Variants in SPEG observed in about 807,000 individuals in gnomAD.
The protein encoded by SPEG is striated muscle preferentially expressed protein kinase.
Under a neutral mutation model 300.4 loss-of-function variants are expected in SPEG, and 114 were observed. The ratio of observed to expected loss-of-function variants is 0.38; its 90% CI spans 0.33 to 0.44. SPEG has a LOEUF of 0.44. Ranked by LOEUF, SPEG falls within the 20% of genes least tolerant of loss-of-function variation. The pLI is 1.00. For missense variants in SPEG, 4,201 were observed against 4,586.2 expected (o/e 0.92, Z 2.43); for synonymous variants, 1,964 against 2,018.9 (o/e 0.97, Z 0.73).
rs532323472 is a variant in SPEG at position 219,486,723 on chromosome 2, C to T, written c.7741+1246C>T. The stretch of plus-strand genomic sequence containing the variant: ...TCCCAGGCTACTTTAACAACCAGGG[C>T]TGGCACCTAGGAATGGGGGTGGGGC... On this transcript the variant is annotated intron_variant, in intron 31 of 40. Transcript: ENST00000312358. Among the ~76,000 whole-genome samples, 7 of 152,238 alleles carry T rather than the reference C, an allele frequency of 4.6e-5. No individual in the cohort carries two copies. The South Asian group carries it at 1.4e-3, about 32-fold the overall frequency.
intron 6 of SPEG, chr2:219,460,844 G>A (rs1690616918): frequency 3.0e-6 from 3 of 986,032 alleles, no homozygotes; most frequent in Non-Finnish European, 3.6e-6. Context: ...TGGGTCAGCC[G>A]AGTGAGTGGG....
Position 219,493,469 on chromosome 2 carries a change from A to G in SPEG, c.*683A>G, listed in dbSNP as rs925076517. On this transcript the variant is annotated 3_prime_UTR_variant, in exon 41 of 41. Coordinates refer to ENST00000312358, the MANE Select transcript of SPEG (RefSeq NM_005876.5). ...CCAAGGATGTCCCCACTGCCCCTCC[A>G]TGGCCTCTGGCCTTCTTCCCATTCA... The G allele has an allele frequency of 9.1e-6, 4 of 440,108 alleles. No individual in the cohort carries two copies. Among genetic ancestry groups the G allele is most frequent in the Admixed American group, 2.4e-5 (1 of 41,964 alleles). The allele number at this position is 440,108 out of a possible 1,614,324, so 27.3% of individuals were successfully genotyped here.
intron 10 of SPEG, 62 bp downstream of exon 10, chr2:219,467,496 G>A (rs1431303070): frequency 3.9e-6 from 6 of 1,536,620 alleles, no homozygotes; most frequent in Non-Finnish European, 5.3e-6. Context: ...GAGGGGACTG[G>A]GGGTGTACAG....
rs1020577027 is a variant in SPEG at position 219,483,197 on chromosome 2, C to T, written c.5734C>T (p.Pro1912Ser). Residue 1912 changes from proline to serine, a missense_variant, in exon 30 of 41, where the codon CCA becomes TCA. Pro to Ser is a moderately conservative substitution (Grantham distance 74). Transcript: ENST00000312358. ...GGTGTGGGTGACCATGCCCAGAAGG[C>T]CACCCCCCAGTGGGGGGCTCTCATC... is the stretch of plus-strand genomic sequence containing the variant. The part of the protein sequence containing the change: ...ERVWVTMPRR[P>S]PPSGGLSSSS... 5 of 1,609,514 alleles carry T rather than the reference C, an allele frequency of 3.1e-6. No individual in the cohort carries two copies. The African/African-American group carries it at 5.3e-5, about 17-fold the overall frequency.
At position 219,488,595 on chromosome 2, in the gene SPEG, C is replaced by T. The variant is rs369139684; in HGVS notation, c.7956C>T (p.Ala2652=). The T allele has an allele frequency of 1.8e-5, 29 of 1,612,172 alleles. No homozygotes were observed. The highest frequency in any genetic ancestry group is 2.2e-5 in the South Asian group (2 of 90,958). Residue 2652 remains alanine (A), a synonymous_variant, in exon 33 of 41, where the codon GCC becomes GCT. Transcript: ENST00000312358. The part of the protein sequence containing the change: ...LSIPRAGKRH[A]GLYECSATNV... ...TCCCCCGGGCGGGCAAGCGGCACGC[C>T]GGTCTCTATGAGTGCTCGGCCACCA...
At position 219,484,992 on chromosome 2, in the gene SPEG, A is replaced by C; in HGVS notation, c.7529A>C (p.Gln2510Pro). 6.5e-7 allele frequency: 1 copy of C among 1,531,026 alleles called. No homozygotes were observed. The allele number at this position is 1,531,026 out of a possible 1,614,324, so 94.8% of individuals were successfully genotyped here. A position where few individuals can be genotyped will look rare whatever the true frequency, so the allele number is the denominator to read the frequency against. Residue 2510 changes from glutamine (Q) to proline (P), a missense_variant, in exon 30 of 41, where the codon CAG becomes CCG. Physicochemically the swap from Gln to Pro is moderately conservative, Grantham distance 76. Coordinates refer to ENST00000312358, the MANE Select transcript of SPEG (RefSeq NM_005876.5). ...CGGCGCCTTGGCCTTCCGCACAACCAGTTGGCCGCCCAGGCCGGCGCCACC... is the reference window on the plus strand; with the variant it reads ...CGGCGCCTTGGCCTTCCGCACAACCCGTTGGCCGCCCAGGCCGGCGCCACC... ...SLRRLGLPHN[Q>P]LAAQAGATTP...
intron 14 of SPEG, 114 bp downstream of exon 14, chr2:219,472,101 C>T (rs890653777): frequency 1.4e-4 from 217 of 1,517,876 alleles, no homozygotes; most frequent in Middle Eastern, 5.7e-4. Flanking sequence ...CCCCTGGGGA[C>T]CCTCTTGCCT....
chr2:219,474,068 GACA>G, intron 18 of SPEG, 165 bp downstream of exon 18: 2 of 685,370 alleles, frequency 2.9e-6, no homozygotes, highest in Non-Finnish European at 2.4e-6. Flanking sequence ...TAGTAATAAT[GACA>G]ACAATCATAC....
chr2:219,437,609 G>T (rs1026809733), intron 1 of SPEG, among the ~76,000 whole-genome samples: 1 of 152,138 alleles, frequency 6.6e-6, no homozygotes, highest in African/African-American at 2.4e-5. Context: ...TGTCCTGATT[G>T]TGTAGATAGA....
At position 219,477,387 on chromosome 2, in the gene SPEG, C is replaced by T. The variant is rs753974721; in HGVS notation, c.4671C>T (p.Cys1557=). 6 of 1,610,146 alleles carry T rather than the reference C, an allele frequency of 3.7e-6. No homozygotes were observed. Among genetic ancestry groups the T allele is most frequent in the Non-Finnish European group, 4.2e-6 (5 of 1,178,324 alleles). The change falls in exon 20 of 41, where the codon TGC becomes TGT. Residue 1557 remains cysteine, a synonymous_variant. Coordinates refer to ENST00000312358, the MANE Select transcript of SPEG (RefSeq NM_005876.5). The surrounding 1 kb of genome is among the most constrained non-coding windows in gnomAD (Gnocchi z 6.4). ...CCCAGGATGGAGGCGTCTACACCTG[C>T]ACCGCCCAGAACCTGGCGGGTGAGG... is the stretch of plus-strand genomic sequence containing the variant. The part of the protein sequence containing the change: ...TGAQDGGVYT[C]TAQNLAGEVS...
chr2:219,485,328 G>C lies in SPEG; in HGVS notation c.7610-18G>C. On this transcript the variant is annotated intron_variant, in intron 30 of 40. Coordinates refer to ENST00000312358, the MANE Select transcript of SPEG (RefSeq NM_005876.5). ...TGGTACTGACTGAACAAATACTCACGGGCCTGAGTCTTCACAGCCCCAGGG... is the reference window on the plus strand; with the variant it reads ...TGGTACTGACTGAACAAATACTCACCGGCCTGAGTCTTCACAGCCCCAGGG... The C allele has an allele frequency of 1.3e-6, 2 of 1,598,266 alleles. No homozygotes were observed. The highest frequency in any genetic ancestry group is 1.7e-6 in the Non-Finnish European group (2 of 1,173,326).
At position 219,461,923 on chromosome 2, in the gene SPEG, G is replaced by A. The variant is rs780210368; in HGVS notation, c.2482G>A (p.Glu828Lys). Residue 828 changes from glutamate to lysine, a missense_variant, in exon 7 of 41, where the codon GAG becomes AAG. Around this residue, in one of 4 missense-constraint regions of SPEG, gnomAD observed 1,258 missense variants for 1,293.9 expected, o/e 0.97. Transcript: ENST00000312358. ...TTTCAGCAGCCCCATCACCTCCGAC[G>A]AGGAATACCTGAGCCCCCCAGAGGA... ...SPFSSPITSD[E>K]EYLSPPEEFP... The A allele has an allele frequency of 1.2e-6, 2 of 1,613,838 alleles. No homozygotes were observed. The highest frequency in any genetic ancestry group is 1.7e-6 in the Non-Finnish European group (2 of 1,179,906).
rs1689469529 is a variant in SPEG at position 219,448,264 on chromosome 2, C to T, written c.1106C>T (p.Ala369Val). 1 of 1,612,080 alleles carries T rather than the reference C, an allele frequency of 6.2e-7. No homozygotes were observed. Reference sequence around the variant, plus strand: ...TCCGGGCCCTCCCTGGCGGGCACCGCGGAATCCCGACCCCAGACGCCACTG... The same window carrying T: ...TCCGGGCCCTCCCTGGCGGGCACCGTGGAATCCCGACCCCAGACGCCACTG... ...KSSGPSLAGT[A>V]ESRPQTPLSE... The change falls in exon 4 of 41, where the codon GCG becomes GTG. Residue 369 changes from alanine to valine, a missense_variant. Physicochemically the swap from Ala to Val is moderately conservative, Grantham distance 64 (BLOSUM62 0). This residue lies in a region of SPEG where 1,258 missense variants were observed against 1,293.9 expected (regional missense o/e 0.97). Transcript: ENST00000312358.
chr2:219,480,705 C>T lies in SPEG; in HGVS notation c.5369+8C>T, dbSNP rs772060271. 1 of 1,613,636 alleles carries T rather than the reference C, an allele frequency of 6.2e-7. No homozygotes were observed. The highest frequency in any genetic ancestry group is 8.5e-7 in the Non-Finnish European group (1 of 1,179,610). On this transcript the variant is annotated splice_region_variant and intron_variant, in intron 26 of 40. Transcript: ENST00000312358. The surrounding 1 kb of genome is among the most constrained non-coding windows in gnomAD (Gnocchi z 5.3). The stretch of plus-strand genomic sequence containing the variant: ...TGTTGTTGCCTTCCTCTGGTAAGGA[C>T]CCCTCTGCAATGTCCCAGCAGTCTC...
At chr2:219,457,524 C>G (rs1690285953) in intron 6 of SPEG, among the ~76,000 whole-genome samples, 1 of 152,206 alleles carries the variant, frequency 6.6e-6, no homozygotes, top group Non-Finnish European at 1.5e-5. Context: ...GTGGAGGTTG[C>G]AGTGAGCTGA....
Position 219,492,937 on chromosome 2 carries a change from A to G in SPEG, c.*151A>G, listed in dbSNP as rs1694111450. ...CTGGGCTCTTACCTCATAGACCTTC[A>G]AGGACAGAGACCCCAGGGCCTGGAC... On this transcript the variant is annotated 3_prime_UTR_variant, in exon 41 of 41. Transcript: ENST00000312358. 7.0e-6 allele frequency: 6 copies of G among 858,522 alleles called. No homozygotes were observed. Among genetic ancestry groups the G allele is most frequent in the Admixed American group, 6.0e-5 (3 of 50,180 alleles). 53.2% of individuals were successfully genotyped at this position (858,522 alleles called of 1,614,324 possible). A position where few individuals can be genotyped will look rare whatever the true frequency, so the allele number is the denominator to read the frequency against.
rs1691230528 is a variant in SPEG at position 219,465,833 on chromosome 2, G to A, written c.2881+1225G>A. On this transcript the variant is annotated intron_variant, in intron 9 of 40. Transcript: ENST00000312358. Reference sequence around the variant, plus strand: ...TGTGTGCGTGTGCGTGCGCATGCGTGCGTGTATGTGCATGCATGTGTGTGC... The same window carrying A: ...TGTGTGCGTGTGCGTGCGCATGCGTACGTGTATGTGCATGCATGTGTGTGC... 8 of 610,406 alleles carry A rather than the reference G, an allele frequency of 1.3e-5. No individual in the cohort carries two copies. The South Asian group carries it at 1.5e-4, about 11-fold the overall frequency. 37.8% of individuals were successfully genotyped at this position (610,406 alleles called of 1,614,324 possible). A position where few individuals can be genotyped will look rare whatever the true frequency, so the allele number is the denominator to read the frequency against.
In SPEG at chr2:219,481,636, A is replaced by G. The variant is rs111531740; in HGVS notation, c.5523-2A>G. The G allele has an allele frequency of 6.2e-7, 1 of 1,614,134 alleles. No individual in the cohort carries two copies. The highest frequency in any genetic ancestry group is 8.5e-7 in the Non-Finnish European group (1 of 1,179,974). On this transcript the variant is annotated splice_acceptor_variant, in intron 27 of 40. Transcript: ENST00000312358. LOFTEE classifies it high-confidence loss of function. This position sits in a 1 kb window ranked among gnomAD's most constrained non-coding sequence, Gnocchi z 5.4. ...CCCTTCTTAATCCTCATTCATTCAC[A>G]GGAGACCTACCGCAGAAGAGACCCT... is the stretch of plus-strand genomic sequence containing the variant.
Position 219,477,094 on chromosome 2 carries a change from G to A in SPEG, c.4560+112G>A. 9.3e-7 allele frequency: 1 copy of A among 1,075,936 alleles called. No individual in the cohort carries two copies. Among genetic ancestry groups the A allele is most frequent in the Non-Finnish European group, 1.3e-6 (1 of 752,576 alleles). 66.6% of individuals were successfully genotyped at this position (1,075,936 alleles called of 1,614,324 possible). On this transcript the variant is annotated intron_variant, in intron 19 of 40. Coordinates refer to ENST00000312358, the MANE Select transcript of SPEG (RefSeq NM_005876.5). The surrounding 1 kb of genome is among the most constrained non-coding windows in gnomAD (Gnocchi z 6.4). ...GGAGCCCGGGCAGAGGCGTGGTTAG[G>A]AGGAGGAAAGGGGCTGCAGAGGACT...
Sources: gnomAD v4.1 joint callset for allele counts (sites outside exome capture counted in the v4.1 genomes callset) on GRCh38, gnomAD v4.1.1 for gene constraint, gnomAD v4.1.1 regional missense constraint, Gnocchi (gnomAD v3.1) non-coding constraint, MANE v1.5 for transcripts, NCBI Gene and HGNC (gene_info 2026-07-23, HGNC 2026-07-21) for gene names.